SLMAP: variants seen among roughly 807,000 people sequenced by gnomAD.
The protein encoded by SLMAP is sarcolemma associated protein.
SLMAP carries 44 observed loss-of-function variants against 128.8 expected under a neutral mutation model. The ratio of observed to expected loss-of-function variants is 0.34; its 90% CI spans 0.27 to 0.44. SLMAP has a LOEUF of 0.44. Ranked by LOEUF, SLMAP falls within the 20% of genes least tolerant of loss-of-function variation. The pLI, the probability that SLMAP is intolerant of heterozygous loss-of-function variation, is 1.00. For missense variants in SLMAP, 787 were observed against 985.3 expected, an observed-to-expected ratio of 0.80 and a Z score of 2.69; for synonymous variants, 327 against 348.8, an observed-to-expected ratio of 0.94 and a Z score of 0.70.
chr3:57,911,920 C>T (rs936533231), intron 19 of SLMAP, among the ~76,000 whole-genome samples: 2 of 103,606 alleles, frequency 1.9e-5, no homozygotes, highest in Non-Finnish European at 3.6e-5. Context: ...ATAGGATTCA[C>T]CCTAAAAAAA....
chr3:57,846,318 A>G (rs1477219061), intron 4 of SLMAP, among the ~76,000 whole-genome samples: 1 of 152,162 alleles, frequency 6.6e-6, no homozygotes, highest in African/African-American at 2.4e-5. Flanking sequence ...AATGCCATCT[A>G]TTTAATGTTT....
At chr3:57,841,049 G>A (rs1452732822) in intron 3 of SLMAP, among the ~76,000 whole-genome samples, 8 of 152,150 alleles carry the variant, frequency 5.3e-5, no homozygotes, top group South Asian at 2.1e-4. Flanking sequence ...ACTTTTTATT[G>A]ACTATTATTA....
chr3:57,812,635 A>T (rs1414771426), intron 2 of SLMAP, among the ~76,000 whole-genome samples: 1 of 152,116 alleles, frequency 6.6e-6, no homozygotes, highest in African/African-American at 2.4e-5. Context: ...GATTGCATTG[A>T]ATCTATTGAT....
Position 57,860,709 on chromosome 3 carries a change from A to C in SLMAP, c.698A>C (p.Glu233Ala). 1 of 1,560,420 alleles carries C rather than the reference A, an allele frequency of 6.4e-7. No homozygotes were observed. Among genetic ancestry groups the C allele is most frequent in the Non-Finnish European group, 8.6e-7 (1 of 1,160,186 alleles). ...QLQACSKNQT[E>A]DSLRKELIAL... ...TATCTTTTATTGTAGAATCAAACAG[A>C]AGATAGTTTACGAAAGGAACTTATA... Residue 233 changes from glutamate to alanine, a missense_variant, in exon 9 of 25, where the codon GAA becomes GCA. This residue lies in a region of SLMAP where 715 missense variants were observed against 843.6 expected (regional missense o/e 0.85). Transcript: ENST00000671191.
At chr3:57,834,766 A>G (rs1480686238) in intron 3 of SLMAP, among the ~76,000 whole-genome samples, 1 of 152,122 alleles carries the variant, frequency 6.6e-6, no homozygotes, top group Non-Finnish European at 1.5e-5. Flanking sequence ...AAAGATATAG[A>G]TACAAAAAAG....
intron 2 of SLMAP, among the ~76,000 whole-genome samples, chr3:57,762,958 A>G (rs990597556): frequency 6.6e-5 from 10 of 152,132 alleles, no homozygotes; most frequent in African/African-American, 1.7e-4. Context: ...TCCTGACCTC[A>G]GGTGATCTGC....
intron 6 of SLMAP, 138 bp downstream of exon 6, chr3:57,849,954 C>A (rs1010913374): frequency 2.8e-5 from 17 of 608,186 alleles, no homozygotes; most frequent in Middle Eastern, 4.5e-4. Context: ...CAGAAGGATT[C>A]TTTGAGGCCA....
intron 14 of SLMAP, among the ~76,000 whole-genome samples, chr3:57,873,520 T>TA (rs1319926209): frequency 1.3e-5 from 2 of 151,908 alleles, no homozygotes; most frequent in East Asian, 3.9e-4. Context: ...AATTAAAAAG[T>TA]AAAAAAATAA....
At chr3:57,909,473 G>A (rs2153685631) in intron 19 of SLMAP, among the ~76,000 whole-genome samples, 1 of 147,410 alleles carries the variant, frequency 6.8e-6, no homozygotes, top group African/African-American at 2.5e-5. Context: ...CTGCACTCCA[G>A]CCTGGGTGAC....
chr3:57,886,856 A>G (rs2095903733), intron 14 of SLMAP, among the ~76,000 whole-genome samples: 1 of 152,140 alleles, frequency 6.6e-6, no homozygotes, highest in Non-Finnish European at 1.5e-5. Context: ...TGTTTTATTT[A>G]TATGAAATAT....
At chr3:57,761,760 G>A (rs975837850) in intron 2 of SLMAP, among the ~76,000 whole-genome samples, 2 of 151,904 alleles carry the variant, frequency 1.3e-5, no homozygotes, top group African/African-American at 2.4e-5. Context: ...TTAAAAGTTG[G>A]AAGAAGGCCG....
At chr3:57,855,481 C>T (rs1449320874) in intron 6 of SLMAP, among the ~76,000 whole-genome samples, 1 of 152,006 alleles carries the variant, frequency 6.6e-6, no homozygotes, top group Non-Finnish European at 1.5e-5. Flanking sequence ...CTGGGTGAGT[C>T]ATTAAGTGAG....
intron 14 of SLMAP, among the ~76,000 whole-genome samples, chr3:57,885,398 TTTG>T (rs1421997425): frequency 1.4e-5 from 2 of 144,656 alleles, no homozygotes; most frequent in African/African-American, 2.6e-5. Context: ...GTTGTTTTGT[TTTG>T]TTTTGTTGTT....
chr3:57,763,526 C>G (rs189737850), intron 2 of SLMAP, among the ~76,000 whole-genome samples: 1 of 152,090 alleles, frequency 6.6e-6, no homozygotes, highest in Admixed American at 6.6e-5. Context: ...CCACCCGCCC[C>G]GGCCTCCTAA....
chr3:57,851,158 C>T (rs892299397), intron 6 of SLMAP, among the ~76,000 whole-genome samples: 1 of 152,132 alleles, frequency 6.6e-6, no homozygotes, highest in Non-Finnish European at 1.5e-5. Flanking sequence ...TACAGTATCA[C>T]ATATCAAGTA....
chr3:57,928,657 A>C lies in SLMAP; in HGVS notation c.*1368A>C, dbSNP rs1467161110. The C allele has an allele frequency of 2.0e-5, 3 of 152,168 alleles. No individual in the cohort carries two copies. The highest frequency in any genetic ancestry group is 2.9e-5 in the Non-Finnish European group (2 of 68,014). The allele number at this position is 152,168 out of a possible 1,614,324, so 9.4% of individuals were successfully genotyped here. A position where few individuals can be genotyped will look rare whatever the true frequency, so the allele number is the denominator to read the frequency against. On this transcript the variant is annotated 3_prime_UTR_variant, in exon 25 of 25. Coordinates refer to ENST00000671191, the MANE Select transcript of SLMAP (RefSeq NM_001377540.1). ...AATATCCTAAAGTATCACATAGTTA[A>C]ATTTTTCAGTCAGTGAAGACCGGGA... is the stretch of plus-strand genomic sequence containing the variant.
At chr3:57,896,320 A>G in intron 15 of SLMAP, 191 bp from the exon 16 acceptor site, 1 of 1,312,702 alleles carries the variant, frequency 7.6e-7, no homozygotes, top group Non-Finnish European at 9.7e-7. Context: ...ATAATTTAAT[A>G]TGAGCTACGT....
At chr3:57,792,993 G>A (rs914644872) in intron 2 of SLMAP, among the ~76,000 whole-genome samples, 2 of 152,098 alleles carry the variant, frequency 1.3e-5, no homozygotes, top group African/African-American at 2.4e-5. Context: ...GCAAAAATCA[G>A]CTGAGCGTTG....
chr3:57,781,729 A>ATTTTTT lies in SLMAP; in HGVS notation c.198+23896_198+23901dup, dbSNP rs748021832. Among the ~76,000 whole-genome samples, 35 of 109,156 alleles carry ATTTTTT rather than the reference A, an allele frequency of 3.2e-4. 1 individual carries two copies. The highest frequency in any genetic ancestry group is 5.5e-4 in the East Asian group (2 of 3,630). 71.6% of individuals were successfully genotyped at this position (109,156 alleles called of 152,430 possible). A position where few individuals can be genotyped will look rare whatever the true frequency, so the allele number is the denominator to read the frequency against. The stretch of plus-strand genomic sequence containing the variant: ...ATTCTAAGTAAATAAATATTGACTG[A>ATTTTTT]TTTTTTTTTTTTTTTTTTTTTGAGA... On this transcript the variant is annotated intron_variant, in intron 2 of 24. Coordinates refer to ENST00000671191, the MANE Select transcript of SLMAP (RefSeq NM_001377540.1).
Sources: gnomAD v4.1 joint callset for allele counts (sites outside exome capture counted in the v4.1 genomes callset) on GRCh38, gnomAD v4.1.1 for gene constraint, gnomAD v4.1.1 regional missense constraint, MANE v1.5 for transcripts, NCBI Gene and HGNC (gene_info 2026-07-23, HGNC 2026-07-21) for gene names.